The following ITGA8 variants were observed in gnomAD, a reference collection of about 807,000 sequenced individuals.
ITGA8 encodes the protein integrin alpha-8.
Under a neutral mutation model 142.3 loss-of-function variants are expected in ITGA8, and 91 were observed. The ratio of observed to expected loss-of-function variants is 0.64; its 90% CI spans 0.54 to 0.76. ITGA8 has a LOEUF of 0.76. Ranked by LOEUF, ITGA8 falls within the 30% of genes least tolerant of loss-of-function variation. The probability of loss-of-function intolerance (pLI) is 0.00; values close to 1 mark genes in which losing one functional copy is unlikely to be tolerated. For missense variants in ITGA8, 1,406 were observed against 1,327.7 expected, an observed-to-expected ratio of 1.06 and a Z score of -0.92; for synonymous variants, 505 against 485.2, an observed-to-expected ratio of 1.04 and a Z score of -0.54.
intron 23 of ITGA8, among the ~76,000 whole-genome samples, chr10:15,576,672 G>A (rs1834303800): frequency 3.3e-5 from 5 of 152,082 alleles, no homozygotes; most frequent in African/African-American, 1.2e-4. Flanking sequence ...TTTAATTTCT[G>A]TATATCTCTC....
intron 25 of ITGA8, among the ~76,000 whole-genome samples, chr10:15,564,391 G>T (rs1281959122): frequency 6.6e-6 from 1 of 152,240 alleles, no homozygotes; most frequent in East Asian, 1.9e-4. Flanking sequence ...GAGGGTGGAG[G>T]ACGCTGGCCT....
At chr10:15,643,621 T>C (rs1833909942) in intron 13 of ITGA8, among the ~76,000 whole-genome samples, 1 of 152,194 alleles carries the variant, frequency 6.6e-6, no homozygotes, top group South Asian at 2.1e-4. Flanking sequence ...ATGAGCTTCA[T>C]GACAGACACG....
At chr10:15,586,535 TAACTC>T (rs749124188) in intron 23 of ITGA8, 44 bp downstream of exon 23, 52 of 1,082,870 alleles carry the variant, frequency 4.8e-5, no homozygotes, top group Non-Finnish European at 1.6e-5. Context: ...TATTTTATCT[TAACTC>T]TACATACAGA....
chr10:15,575,415 A>G, intron 24 of ITGA8, 74 bp downstream of exon 24: 2 of 1,022,464 alleles, frequency 2.0e-6, no homozygotes, highest in South Asian at 2.5e-5. Flanking sequence ...AATGATAATA[A>G]TGCTACATAG....
intron 11 of ITGA8, among the ~76,000 whole-genome samples, chr10:15,647,559 T>C (rs1291759040): frequency 6.8e-6 from 1 of 146,486 alleles, no homozygotes; most frequent in Non-Finnish European, 1.5e-5. Context: ...GCTTCCCGGG[T>C]TCACGCCATT....
rs1484010839 is a variant in ITGA8 at position 15,578,059 on chromosome 10, T to C, written c.2373-2465A>G. On this transcript the variant is annotated intron_variant, in intron 23 of 29. Transcript: ENST00000378076. Reference sequence around the variant, plus strand: ...AGCGGTTTCCCCAATGGTAACAGCTTGCAAAACCAAAATGTGATATTGTAT... The same window carrying C: ...AGCGGTTTCCCCAATGGTAACAGCTCGCAAAACCAAAATGTGATATTGTAT... Among the ~76,000 whole-genome samples the C allele has an allele frequency of 2.0e-5, 3 of 152,240 alleles. No individual in the cohort carries two copies. The East Asian group carries it at 5.8e-4, about 29-fold the overall frequency.
chr10:15,619,790 A>G (rs986107709), intron 13 of ITGA8, among the ~76,000 whole-genome samples: 4 of 152,200 alleles, frequency 2.6e-5, no homozygotes, highest in Admixed American at 2.0e-4. Context: ...ACAAACTCCA[A>G]TATTTAGACA....
intron 27 of ITGA8, among the ~76,000 whole-genome samples, chr10:15,535,396 C>A (rs547252569): frequency 2.0e-5 from 3 of 152,216 alleles, no homozygotes; most frequent in African/African-American, 7.2e-5. Context: ...GCCAGCTGGG[C>A]TCCTGACTGG....
At chr10:15,558,981 G>A (rs1359394770) in intron 25 of ITGA8, among the ~76,000 whole-genome samples, 1 of 152,116 alleles carries the variant, frequency 6.6e-6, no homozygotes, top group Non-Finnish European at 1.5e-5. Context: ...TCCCACCCTT[G>A]AGAATTATGA....
At chr10:15,535,048 G>A (rs981724910) in intron 27 of ITGA8, among the ~76,000 whole-genome samples, 2 of 152,200 alleles carry the variant, frequency 1.3e-5, no homozygotes, top group Non-Finnish European at 2.9e-5. Context: ...TTCCGCGGGT[G>A]AGTGTGGGCT....
chr10:15,553,026 G>A (rs1833820064), intron 26 of ITGA8, among the ~76,000 whole-genome samples: 1 of 152,182 alleles, frequency 6.6e-6, no homozygotes, highest in Non-Finnish European at 1.5e-5. Flanking sequence ...GGAGGACGAG[G>A]TGGGACGTTC....
chr10:15,593,859 T>TTTTTTTTTTA (rs1832966052), intron 21 of ITGA8, among the ~76,000 whole-genome samples: 2 of 132,960 alleles, frequency 1.5e-5, no homozygotes, highest in African/African-American at 5.5e-5. Flanking sequence ...TTTTTTTTTT[T>TTTTTTTTTTA]GAGACAGAGT....
chr10:15,604,055 G>T (rs564472331), intron 20 of ITGA8, among the ~76,000 whole-genome samples, 153 bp downstream of exon 20: 2 of 152,252 alleles, frequency 1.3e-5, no homozygotes, highest in South Asian at 4.1e-4. Flanking sequence ...CCCCTGCTTT[G>T]TGGCTCATTG....
intron 11 of ITGA8, among the ~76,000 whole-genome samples, chr10:15,650,676 A>T (rs1428933532): frequency 6.6e-6 from 1 of 152,174 alleles, no homozygotes; most frequent in Non-Finnish European, 1.5e-5. Context: ...GCAACAAAAA[A>T]CAGGCTAAGC....
intron 13 of ITGA8, among the ~76,000 whole-genome samples, chr10:15,623,477 G>T (rs1833529458): frequency 6.6e-6 from 1 of 152,182 alleles, no homozygotes; most frequent in Non-Finnish European, 1.5e-5. Flanking sequence ...CTTGAGGTCA[G>T]GAGTTCAAGA....
chr10:15,545,871 C>T (rs930116969), intron 27 of ITGA8, among the ~76,000 whole-genome samples: 4 of 152,260 alleles, frequency 2.6e-5, no homozygotes, highest in Admixed American at 6.5e-5. Flanking sequence ...ATTATTATCA[C>T]ATCACTCCTT....
At chr10:15,659,102 G>T in intron 9 of ITGA8, 47 bp from the exon 10 acceptor site, 1 of 1,330,936 alleles carries the variant, frequency 7.5e-7, no homozygotes, top group South Asian at 1.4e-5. Flanking sequence ...CCATAGAATT[G>T]GAGCCTTTTT....
intron 8 of ITGA8, among the ~76,000 whole-genome samples, chr10:15,664,688 C>A (rs1442289627): frequency 6.8e-6 from 1 of 146,466 alleles, no homozygotes; most frequent in African/African-American, 2.5e-5. Flanking sequence ...CACAACAGTC[C>A]CCAGTGTGTG....
chr10:15,607,588 G>T (rs550551553), intron 17 of ITGA8, 89 bp downstream of exon 17: 1 of 1,247,124 alleles, frequency 8.0e-7, no homozygotes, highest in Non-Finnish European at 1.2e-6. Context: ...GGGGGTCTAT[G>T]CAGACAAACA....
Sources: allele counts gnomAD v4.1 joint callset (sites outside exome capture counted in the v4.1 genomes callset), GRCh38; gene constraint gnomAD v4.1.1; transcripts MANE v1.5; gene names NCBI Gene and HGNC (gene_info 2026-07-23, HGNC 2026-07-21).